Variants in LUZP2 observed in about 807,000 individuals in gnomAD.
The protein encoded by LUZP2 is leucine zipper protein 2.
In LUZP2, 52 loss-of-function variants were observed where a neutral mutation model predicts 51.6. The ratio of observed to expected loss-of-function variants is 1.01; its 90% CI spans 0.81 to 1.27. LUZP2 has a LOEUF of 1.27. Among genes scored for constraint, LUZP2 ranks in the 50% most tolerant of loss-of-function variants. LUZP2 has a pLI of 0.00. For missense variants in LUZP2, 436 were observed against 395.4 expected, an observed-to-expected ratio of 1.10 and a Z score of -0.87; for synonymous variants, 154 against 137.3, an observed-to-expected ratio of 1.12 and a Z score of -0.85.
intron 7 of LUZP2, among the ~76,000 whole-genome samples, chr11:24,963,437 T>C (rs2133884083): frequency 6.6e-6 from 1 of 152,326 alleles, no homozygotes; most frequent in East Asian, 1.9e-4. Flanking sequence ...GCTTCCCGGC[T>C]GCTTTGTTTA....
chr11:24,604,270 C>G (rs527595044), intron 1 of LUZP2, among the ~76,000 whole-genome samples: 2 of 151,780 alleles, frequency 1.3e-5, no homozygotes, highest in African/African-American at 4.8e-5. Flanking sequence ...TGCATATAAT[C>G]CTGCAAGCAC....
rs548220910 is a variant in LUZP2, at chr11:24,951,501, T to C, written c.523-25090T>C. On this transcript the variant is annotated intron_variant, in intron 7 of 11. Coordinates refer to ENST00000336930, the MANE Select transcript of LUZP2 (RefSeq NM_001009909.4). ...ATACCCCTAATTATAAGAATTTAAT[T>C]AATTATAAGCATTTACGATTGTGTA... Among the ~76,000 whole-genome samples the C allele has an allele frequency of 3.3e-5, 5 of 151,744 alleles. No homozygotes were observed. In the East Asian group the frequency reaches 9.7e-4, roughly 29 times the overall value.
chr11:24,723,109 A>C (rs1858339569), intron 1 of LUZP2, among the ~76,000 whole-genome samples: 1 of 152,192 alleles, frequency 6.6e-6, no homozygotes, highest in Non-Finnish European at 1.5e-5. Flanking sequence ...ATATATAAAA[A>C]TCACCTTTAG....
intron 10 of LUZP2, among the ~76,000 whole-genome samples, chr11:25,059,783 A>G (rs1043359903): frequency 6.6e-6 from 1 of 152,160 alleles, no homozygotes; most frequent in African/African-American, 2.4e-5. Context: ...CCAGCAATAA[A>G]TTCTTTGGCA....
At chr11:24,737,283 G>C (rs530436370) in intron 3 of LUZP2, among the ~76,000 whole-genome samples, 1 of 151,970 alleles carries the variant, frequency 6.6e-6, no homozygotes, top group Non-Finnish European at 1.5e-5. Context: ...GAGTATGAGA[G>C]GGTGTGTCAC....
intron 6 of LUZP2, among the ~76,000 whole-genome samples, chr11:24,906,452 G>A (rs945572809): frequency 6.6e-6 from 1 of 151,956 alleles, no homozygotes; most frequent in African/African-American, 2.4e-5. Context: ...GAAGATTCCG[G>A]GCTTGTCCAT....
chr11:24,672,912 T>C (rs1856443157), intron 1 of LUZP2, among the ~76,000 whole-genome samples: 1 of 152,128 alleles, frequency 6.6e-6, no homozygotes, highest in Non-Finnish European at 1.5e-5. Context: ...CGAGTGAGAA[T>C]TATTGCCTGA....
chr11:24,598,355 A>G (rs1028402385), intron 1 of LUZP2, among the ~76,000 whole-genome samples: 10 of 152,098 alleles, frequency 6.6e-5, no homozygotes, highest in African/African-American at 2.2e-4. Flanking sequence ...GAAAAATAAG[A>G]GCCTTATTTT....
At chr11:24,998,968 A>T (rs560445786) in intron 9 of LUZP2, among the ~76,000 whole-genome samples, 5 of 152,318 alleles carry the variant, frequency 3.3e-5, no homozygotes, top group African/African-American at 1.2e-4. Flanking sequence ...GTCTGTTAGA[A>T]GTCATCACCA....
intron 7 of LUZP2, among the ~76,000 whole-genome samples, chr11:24,962,018 G>T (rs1297184257): frequency 6.6e-6 from 1 of 150,942 alleles, no homozygotes; most frequent in Non-Finnish European, 1.5e-5. Context: ...GCTTAGTTTG[G>T]CTGGATATGA....
At position 24,814,495 on chromosome 11, in the gene LUZP2, T is replaced by C. The variant is rs188332921; in HGVS notation, c.396+51187T>C. Among the ~76,000 whole-genome samples, 169 of 152,350 alleles carry C rather than the reference T, an allele frequency of 1.1e-3. 1 individual carries two copies. The highest frequency in any genetic ancestry group is 1.8e-3 in the Non-Finnish European group (125 of 68,028). On this transcript the variant is annotated intron_variant, in intron 5 of 11. Transcript: ENST00000336930. ...TGATATATGTAAATGCTTTCTTTCC[T>C]TGTGCTGTGAAATGAATTTTCTATG...
chr11:24,666,600 A>G (rs1856220350), intron 1 of LUZP2, among the ~76,000 whole-genome samples: 1 of 152,094 alleles, frequency 6.6e-6, no homozygotes, highest in South Asian at 2.1e-4. Flanking sequence ...ATTTTCTAGC[A>G]TTATCTATAA....
At chr11:24,742,767 C>T (rs1297748602) in intron 4 of LUZP2, among the ~76,000 whole-genome samples, 1 of 152,046 alleles carries the variant, frequency 6.6e-6, no homozygotes, top group Admixed American at 6.6e-5. Flanking sequence ...GAGAGCCTTG[C>T]CTAAGCCAAT....
At chr11:24,984,642 A>G (rs1220075252) in intron 9 of LUZP2, among the ~76,000 whole-genome samples, 1 of 149,874 alleles carries the variant, frequency 6.7e-6, no homozygotes, top group Non-Finnish European at 1.5e-5. Context: ...TTAATATATC[A>G]GTACCCCCAC....
intron 1 of LUZP2, among the ~76,000 whole-genome samples, chr11:24,634,529 C>G (rs891221326): frequency 6.6e-6 from 1 of 151,978 alleles, no homozygotes; most frequent in African/African-American, 2.4e-5. Context: ...AGATCTCATT[C>G]CCTATTTTTT....
intron 1 of LUZP2, among the ~76,000 whole-genome samples, chr11:24,498,029 G>C (rs1485724658): frequency 6.6e-6 from 1 of 152,166 alleles, no homozygotes; most frequent in African/African-American, 2.4e-5. Flanking sequence ...TATTTTTGGT[G>C]GAGATTTAAA....
intron 4 of LUZP2, among the ~76,000 whole-genome samples, chr11:24,741,920 A>G (rs1590431603): frequency 1.0e-4 from 2 of 19,908 alleles, no homozygotes; most frequent in East Asian, 9.3e-3. Context: ...TAATATATAC[A>G]TTTATATATT....
intron 7 of LUZP2, among the ~76,000 whole-genome samples, chr11:24,944,060 A>G (rs1380272523): frequency 6.6e-6 from 1 of 152,148 alleles, no homozygotes; most frequent in Non-Finnish European, 1.5e-5. Flanking sequence ...TCACACACAC[A>G]TGATCACCTT....
rs1399518617 is a variant in LUZP2, at chr11:25,022,053, T to C, written c.766-27985T>C. ...TTTTCCCTCCTCAGTCCAGTACTTG[T>C]TGCACTCTTTCATCCTGGAACACTC... On this transcript the variant is annotated intron_variant, in intron 9 of 11. Transcript: ENST00000336930. 2.6e-5 allele frequency among the ~76,000 whole-genome samples: 4 copies of C among 152,038 alleles called. No individual in the cohort carries two copies. In the East Asian group the frequency reaches 5.8e-4, roughly 22 times the overall value.
Sources: gnomAD v4.1 joint callset for allele counts (sites outside exome capture counted in the v4.1 genomes callset) on GRCh38, gnomAD v4.1.1 for gene constraint, MANE v1.5 for transcripts, NCBI Gene and HGNC (gene_info 2026-07-23, HGNC 2026-07-21) for gene names.